ZCCHC17: variants seen among roughly 807,000 people sequenced by gnomAD.
ZCCHC17 encodes the protein zinc finger CCHC-type containing 17.
Under a neutral mutation model 30.6 loss-of-function variants are expected in ZCCHC17, and 18 were observed. That is an observed-to-expected ratio of 0.59 (90% confidence interval 0.41 to 0.87). ZCCHC17 has a LOEUF of 0.87. Ranked by LOEUF, ZCCHC17 falls within the 40% of genes least tolerant of loss-of-function variation. The probability of loss-of-function intolerance (pLI) is 0.00; values close to 1 mark genes in which losing one functional copy is unlikely to be tolerated. For synonymous variants in ZCCHC17, 88 were observed against 92.4 expected (o/e 0.95, Z 0.27); for missense variants, 263 against 284.2 (o/e 0.93, Z 0.54).
chr1:31,363,097 T>A (rs369533221), intron 7 of ZCCHC17, among the ~76,000 whole-genome samples: 29 of 152,292 alleles, frequency 1.9e-4, no homozygotes, highest in African/African-American at 5.1e-4. Context: ...ACATATTATG[T>A]CTTGGTTCTT....
At chr1:31,316,162 C>T (rs1646726152) in intron 2 of ZCCHC17, among the ~76,000 whole-genome samples, 1 of 152,140 alleles carries the variant, frequency 6.6e-6, no homozygotes, top group South Asian at 2.1e-4. Flanking sequence ...AGTGCAGTAG[C>T]ATGATCTTGG....
At chr1:31,317,211 G>A (rs985126272) in intron 2 of ZCCHC17, among the ~76,000 whole-genome samples, 2 of 151,822 alleles carry the variant, frequency 1.3e-5, no homozygotes, top group Non-Finnish European at 2.9e-5. Flanking sequence ...TTTTATTAGA[G>A]ACAGGGTTTC....
intron 3 of ZCCHC17, among the ~76,000 whole-genome samples, chr1:31,320,882 C>T (rs756817808): frequency 1.6e-4 from 25 of 152,128 alleles, no homozygotes; most frequent in Non-Finnish European, 2.2e-4. Context: ...AGTGACCACG[C>T]CATTTTACAT....
At chr1:31,345,868 A>G (rs917955365) in intron 5 of ZCCHC17, among the ~76,000 whole-genome samples, 1 of 151,830 alleles carries the variant, frequency 6.6e-6, no homozygotes, top group Non-Finnish European at 1.5e-5. Flanking sequence ...CCCATTATCC[A>G]ATCACCTCCC....
At chr1:31,302,416 C>T (rs1205779596) in intron 1 of ZCCHC17, among the ~76,000 whole-genome samples, 7 of 151,970 alleles carry the variant, frequency 4.6e-5, no homozygotes, top group Non-Finnish European at 1.5e-5. Flanking sequence ...TATACCAGAC[C>T]CCAGGAACAC....
rs912585368 is a variant in ZCCHC17 at position 31,324,675 on chromosome 1, G to C, written c.124+5509G>C. On this transcript the variant is annotated intron_variant, in intron 3 of 7. Transcript: ENST00000344147. The stretch of plus-strand genomic sequence containing the variant: ...ACCTTGGGGTGGTGCTGCCATGCCA[G>C]CTTCCTACCATCTTGGCCCCCTCTG... Among the ~76,000 whole-genome samples the C allele has an allele frequency of 2.0e-5, 3 of 152,362 alleles. No homozygotes were observed. The South Asian group carries it at 6.2e-4, about 32-fold the overall frequency.
chr1:31,356,230 A>G (rs965203933), intron 7 of ZCCHC17, among the ~76,000 whole-genome samples: 1 of 152,234 alleles, frequency 6.6e-6, no homozygotes, highest in Non-Finnish European at 1.5e-5. Context: ...GTGGTAAAGG[A>G]TAGAAACACA....
Position 31,346,684 on chromosome 1 carries a change from A to G in ZCCHC17, c.362A>G (p.Gln121Arg), listed in dbSNP as rs758242255. ...CGATCCTTCCAGGATTACACTGGGC[A>G]GAAGATCACCCTTGAGGCTGTCTTG... is the stretch of plus-strand genomic sequence containing the variant. Reference protein sequence around the residue: ...RRRSFQDYTGQKITLEAVLNT... With the variant: ...RRRSFQDYTGRKITLEAVLNT... Residue 121 changes from glutamine to arginine, a missense_variant, in exon 6 of 8, where the codon CAG becomes CGG. Transcript: ENST00000344147. The G allele has an allele frequency of 9.9e-6, 16 of 1,614,098 alleles. No homozygotes were observed. Among genetic ancestry groups the G allele is most frequent in the Non-Finnish European group, 1.4e-5 (16 of 1,179,980 alleles).
intron 3 of ZCCHC17, among the ~76,000 whole-genome samples, chr1:31,329,001 C>G (rs959009791): frequency 6.6e-6 from 1 of 152,130 alleles, no homozygotes; most frequent in African/African-American, 2.4e-5. Context: ...AAGATCCTGT[C>G]TCAAAATAGA....
intron 7 of ZCCHC17, among the ~76,000 whole-genome samples, chr1:31,361,239 G>A (rs1639879707): frequency 6.6e-6 from 1 of 152,188 alleles, no homozygotes; most frequent in African/African-American, 2.4e-5. Context: ...CTCCATTGGA[G>A]ATGCCAAGGA....
chr1:31,349,125 C>T (rs76908476), intron 7 of ZCCHC17, 151 bp downstream of exon 7: 34,805 of 860,884 alleles, frequency 0.04, 2,025 homozygotes, highest in South Asian at 0.19. Context: ...TTTAAGGCTG[C>T]GGTGCGCTAT....
intron 1 of ZCCHC17, among the ~76,000 whole-genome samples, chr1:31,309,408 A>G (rs1051177175): frequency 3.9e-5 from 6 of 152,102 alleles, no homozygotes; most frequent in Non-Finnish European, 7.4e-5. Context: ...TCTGCCTCCC[A>G]GGTTCAAGTG....
chr1:31,353,859 A>AC (rs1226638296), intron 7 of ZCCHC17, among the ~76,000 whole-genome samples: 1 of 152,212 alleles, frequency 6.6e-6, no homozygotes, highest in African/African-American at 2.4e-5. Flanking sequence ...TGTTTTGACT[A>AC]CTGTAGCTTT....
chr1:31,357,590 AC>A (rs1639690098), intron 7 of ZCCHC17, among the ~76,000 whole-genome samples: 1 of 152,244 alleles, frequency 6.6e-6, no homozygotes, highest in Non-Finnish European at 1.5e-5. Context: ...GTCGATTGAC[AC>A]AGATAATAAA....
chr1:31,363,377 G>T (rs1639999638), intron 7 of ZCCHC17, among the ~76,000 whole-genome samples: 1 of 151,984 alleles, frequency 6.6e-6, no homozygotes, highest in African/African-American at 2.4e-5. Context: ...TAGAGACGGG[G>T]TTTCACCATG....
intron 3 of ZCCHC17, among the ~76,000 whole-genome samples, chr1:31,327,596 T>C (rs532014287): frequency 6.6e-6 from 1 of 152,346 alleles, no homozygotes; most frequent in Non-Finnish European, 1.5e-5. Context: ...GAATCATCCC[T>C]TTGTCCATCC....
At chr1:31,315,821 G>C (rs1646719070) in intron 2 of ZCCHC17, among the ~76,000 whole-genome samples, 1 of 152,204 alleles carries the variant, frequency 6.6e-6, no homozygotes, top group South Asian at 2.1e-4. Context: ...ACACCAGGCA[G>C]ACTGCGTGAT....
At chr1:31,308,224 T>C (rs1646514268) in intron 1 of ZCCHC17, among the ~76,000 whole-genome samples, 1 of 152,222 alleles carries the variant, frequency 6.6e-6, no homozygotes, top group Non-Finnish European at 1.5e-5. Context: ...GTACTTTTAG[T>C]ACAGTAATAA....
chr1:31,331,906 G>A (rs926672852), intron 3 of ZCCHC17, among the ~76,000 whole-genome samples: 2 of 152,060 alleles, frequency 1.3e-5, no homozygotes, highest in Admixed American at 6.6e-5. Flanking sequence ...CACCATGCCC[G>A]GCCGAGATGG....
Sources: gnomAD v4.1 joint callset for allele counts (sites outside exome capture counted in the v4.1 genomes callset) on GRCh38, gnomAD v4.1.1 for gene constraint, MANE v1.5 for transcripts, NCBI Gene and HGNC (gene_info 2026-07-23, HGNC 2026-07-21) for gene names.